The following GPR107 variants were observed in gnomAD, a reference collection of about 807,000 sequenced individuals.
The protein encoded by GPR107 is G protein-coupled receptor 107.
A neutral mutation model predicts 75.5 loss-of-function variants in GPR107; 31 were observed. The ratio of observed to expected loss-of-function variants is 0.41; its 90% CI spans 0.31 to 0.55. GPR107 has a LOEUF of 0.55. Ranked by LOEUF, GPR107 falls within the 20% of genes least tolerant of loss-of-function variation. GPR107 has a pLI of 0.26. For synonymous variants in GPR107, 267 were observed against 251.3 expected, an observed-to-expected ratio of 1.06 and a Z score of -0.59; for missense variants, 572 against 665.7, an observed-to-expected ratio of 0.86 and a Z score of 1.55.
intron 14 of GPR107, among the ~76,000 whole-genome samples, chr9:130,117,056 C>T (rs189468017): frequency 2.6e-5 from 4 of 152,014 alleles, no homozygotes; most frequent in Admixed American, 6.5e-5. Flanking sequence ...AAGCGATTCT[C>T]CTGCCTCAGT....
chr9:130,132,267 G>A (rs1422794834), intron 17 of GPR107, among the ~76,000 whole-genome samples: 2 of 152,112 alleles, frequency 1.3e-5, no homozygotes, highest in Admixed American at 6.5e-5. Flanking sequence ...TTTCCTGGCC[G>A]CACCCCTGGA....
intron 1 of GPR107, among the ~76,000 whole-genome samples, chr9:130,072,190 CTCTT>C (rs1198475764): frequency 1.3e-5 from 2 of 151,270 alleles, no homozygotes; most frequent in Non-Finnish European, 2.9e-5. Flanking sequence ...TGATCTTGAA[CTCTT>C]TCTATTTATT....
At chr9:130,119,901 A>G (rs1444251860) in intron 14 of GPR107, among the ~76,000 whole-genome samples, 1 of 152,192 alleles carries the variant, frequency 6.6e-6, no homozygotes, top group Non-Finnish European at 1.5e-5. Context: ...CCAGTGGCAC[A>G]GTCACGGCTT....
intron 1 of GPR107, among the ~76,000 whole-genome samples, chr9:130,066,787 C>T (rs1830079188): frequency 6.6e-6 from 1 of 152,102 alleles, no homozygotes; most frequent in African/African-American, 2.4e-5. Context: ...AGATCGAGAC[C>T]ATCCTGGCTA....
intron 4 of GPR107, among the ~76,000 whole-genome samples, chr9:130,078,479 C>T (rs1430091655): frequency 1.3e-5 from 2 of 152,230 alleles, no homozygotes; most frequent in Non-Finnish European, 2.9e-5. Flanking sequence ...ATTGATCTGA[C>T]AGTCTCCTGT....
In GPR107 at chr9:130,055,375, A is replaced by G. The variant is rs374072961; in HGVS notation, c.141+1302A>G. On this transcript the variant is annotated intron_variant, in intron 1 of 17. Transcript: ENST00000347136. The stretch of plus-strand genomic sequence containing the variant: ...TCCCAGCTACTCGGGAGGCTAAGGC[A>G]GGAGAATGGCGTGAACCTGGGAGGC... 8.2e-3 allele frequency among the ~76,000 whole-genome samples: 1,247 copies of G among 152,186 alleles called. 14 individuals carry two copies. The highest frequency in any genetic ancestry group is 0.029 in the African/African-American group (1,190 of 41,538).
intron 12 of GPR107, among the ~76,000 whole-genome samples, chr9:130,102,517 C>A (rs78559738): frequency 0.034 from 5,219 of 152,214 alleles, 306 homozygotes; most frequent in African/African-American, 0.12. Context: ...GGACATTTAA[C>A]AAATTAAGAA....
intron 13 of GPR107, 151 bp downstream of exon 13, chr9:130,104,701 A>G: frequency 1.5e-6 from 1 of 655,524 alleles, no homozygotes; most frequent in Non-Finnish European, 2.6e-6. Context: ...ATCAGCCTCC[A>G]GGGGCAGAAC....
chr9:130,088,486 A>C (rs184302187), intron 7 of GPR107, among the ~76,000 whole-genome samples: 2 of 152,052 alleles, frequency 1.3e-5, no homozygotes, highest in Non-Finnish European at 2.9e-5. Context: ...CTCCCCCTCT[A>C]CAGAAGATAC....
chr9:130,085,609 T>C (rs762128273), intron 6 of GPR107, among the ~76,000 whole-genome samples: 6 of 152,116 alleles, frequency 3.9e-5, no homozygotes, highest in Admixed American at 6.6e-5. Context: ...GGGTATAGAT[T>C]AGTTTTATAG....
intron 1 of GPR107, among the ~76,000 whole-genome samples, chr9:130,070,613 A>C (rs901567719): frequency 1.4e-4 from 21 of 152,182 alleles, no homozygotes; most frequent in African/African-American, 5.1e-4. Context: ...CAAAAAGAAA[A>C]AGTTGAAAGG....
Position 130,128,695 on chromosome 9 carries a change from G to A in GPR107, c.1496G>A (p.Arg499His), listed in dbSNP as rs749343893. The change falls in exon 17 of 18, where the codon CGT becomes CAT. Residue 499 changes from arginine to histidine, a missense_variant. Physicochemically the swap from Arg to His is conservative, Grantham distance 29 (BLOSUM62 0). Transcript: ENST00000347136. ...VFFVLTGYKF[R>H]PASDNPYLQL... is the part of the protein sequence containing the mutation. Reference sequence around the variant, plus strand: ...TTTGTTCTAACGGGGTATAAATTCCGTCCGGCTTCAGATAACCCCTACCTA... The same window carrying A: ...TTTGTTCTAACGGGGTATAAATTCCATCCGGCTTCAGATAACCCCTACCTA... 17 of 1,610,680 alleles carry A rather than the reference G, an allele frequency of 1.1e-5. No individual in the cohort carries two copies. The highest frequency in any genetic ancestry group is 1.6e-4 in the Middle Eastern group (1 of 6,078).
intron 1 of GPR107, among the ~76,000 whole-genome samples, chr9:130,054,902 A>AC (rs1306421496): frequency 2.6e-5 from 4 of 151,724 alleles, no homozygotes; most frequent in Non-Finnish European, 4.4e-5. Context: ...CGTGCTAAGG[A>AC]CCCCCTCCCC....
chr9:130,074,843 A>G (rs1194115989), intron 1 of GPR107, among the ~76,000 whole-genome samples: 2 of 151,660 alleles, frequency 1.3e-5, no homozygotes, highest in African/African-American at 4.8e-5. Flanking sequence ...TGATAAGAGG[A>G]TTTATATAAA....
intron 4 of GPR107, 54 bp downstream of exon 4, chr9:130,077,432 T>A: frequency 1.1e-6 from 1 of 877,480 alleles, no homozygotes; most frequent in East Asian, 2.4e-5. Context: ...TCGGGGAGAA[T>A]TTAGTAGTAT....
At chr9:130,101,355 A>G in intron 12 of GPR107, 132 bp downstream of exon 12, 1 of 676,170 alleles carries the variant, frequency 1.5e-6, no homozygotes, top group South Asian at 1.7e-5. Context: ...TTGAAGACTG[A>G]GATTCTCTTT....
chr9:130,125,400 C>CTT (rs386416334), intron 15 of GPR107, among the ~76,000 whole-genome samples: 31,364 of 135,412 alleles, frequency 0.23, 3,748 homozygotes, highest in Non-Finnish European at 0.28. Context: ...TGCTTTTTTG[C>CTT]TTTTTTTTTT....
intron 1 of GPR107, among the ~76,000 whole-genome samples, chr9:130,070,990 A>G (rs1197297878): frequency 7.1e-6 from 1 of 140,804 alleles, no homozygotes; most frequent in East Asian, 2.3e-4. Context: ...AAGTGTTGGG[A>G]TTATAGATGA....
At position 130,056,100 on chromosome 9, in the gene GPR107, CTT is replaced by C. The variant is rs574841701; in HGVS notation, c.141+2029_141+2030del. On this transcript the variant is annotated intron_variant, in intron 1 of 17. Transcript: ENST00000347136. ...GGGGTGGGGCAAGTGAATTTTGACT[CTT>C]TGAGAATCTGTTGAGAGCTATAGAA... Among the ~76,000 whole-genome samples the C allele has an allele frequency of 9.2e-5, 14 of 151,962 alleles. No individual in the cohort carries two copies. In the East Asian group the frequency reaches 2.1e-3, roughly 23 times the overall value.
Sources: gnomAD v4.1 joint callset for allele counts (sites outside exome capture counted in the v4.1 genomes callset) on GRCh38, gnomAD v4.1.1 for gene constraint, MANE v1.5 for transcripts, NCBI Gene and HGNC (gene_info 2026-07-23, HGNC 2026-07-21) for gene names.